Variants in KMT2D observed in about 807,000 individuals in gnomAD.
KMT2D encodes histone-lysine N-methyltransferase 2D.
Under a neutral mutation model 512.7 loss-of-function variants are expected in KMT2D, and 55 were observed. The observed-to-expected ratio is 0.11, with a 90% CI of 0.09 to 0.13. The LOEUF (loss-of-function observed/expected upper bound fraction) is 0.13. Ranked by LOEUF, KMT2D falls within the 10% of genes least tolerant of loss-of-function variation. The pLI is 1.00. For synonymous variants in KMT2D, 2,995 were observed against 2,904.0 expected (o/e 1.03, Z -1.01); for missense variants, 6,061 against 7,127.9 (o/e 0.85, Z 5.39).
In KMT2D at chr12:49,019,573, T is replaced by A. The variant is rs1319700427; in HGVS notation, c.*2207A>T. On this transcript the variant is annotated 3_prime_UTR_variant, in exon 55 of 55. Coordinates refer to ENST00000301067, the MANE Select transcript of KMT2D (RefSeq NM_003482.4). The stretch of plus-strand genomic sequence containing the variant: ...AGTCTGCCCCATCCCCTTTTCCCAA[T>A]CCCAGGGCCCAAGCCCCAAACACAG... The A allele has an allele frequency of 1.3e-5, 3 of 227,720 alleles. No individual in the cohort carries two copies. Among genetic ancestry groups the A allele is most frequent in the Non-Finnish European group, 1.7e-5 (2 of 114,426 alleles). The allele number at this position is 227,720 out of a possible 1,614,324, so 14.1% of individuals were successfully genotyped here.
rs371402071 is a variant in KMT2D, at chr12:49,041,028, G to C, written c.6742C>G (p.Arg2248Gly). The change falls in exon 32 of 55, where the codon CGC (arginine) becomes GGC (glycine). Residue 2248 changes from arginine (R) to glycine (G), a missense_variant. By Grantham distance (125) the Arg-to-Gly change is moderately radical. Coordinates refer to ENST00000301067, the MANE Select transcript of KMT2D (RefSeq NM_003482.4). This position sits in a 1 kb window ranked among gnomAD's most constrained non-coding sequence, Gnocchi z 5.4. ...GCCAAGTTATCCAGCGAGGGGCAGC[G>C]GGGTTTGAGGAATGGGTCAGGTGTG... ...PSTPDPFLKPRCPSLDNLAVP... is the reference protein window; with the variant it reads ...PSTPDPFLKPGCPSLDNLAVP... The C allele has an allele frequency of 2.5e-6, 4 of 1,571,630 alleles. No homozygotes were observed. The African/African-American group carries it at 4.1e-5, about 16-fold the overall frequency.
chr12:49,037,005 G>A, intron 35 of KMT2D, 120 bp downstream of exon 35: 3 of 1,326,408 alleles, frequency 2.3e-6, no homozygotes, highest in South Asian at 1.6e-5. Context: ...ATGATATTTA[G>A]CCAAAGTTCT....
Position 49,027,040 on chromosome 12 carries a change from G to A in KMT2D, c.14926C>T (p.Pro4976Ser), listed in dbSNP as rs373072465. The change falls in exon 49 of 55, where the codon CCT becomes TCT. Residue 4976 changes from proline (P) to serine (S), a missense_variant. Around this residue, in one of 16 missense-constraint regions of KMT2D, gnomAD observed 1,600 missense variants for 1,754.9 expected, o/e 0.91. Coordinates refer to ENST00000301067, the MANE Select transcript of KMT2D (RefSeq NM_003482.4). ...CCTTTCCATTTCTTGAGGCGAGGAG[G>A]ACGGGAATCTTCACCTTCTTCAGGG... ...RPPEEGEDSRPPRLKKWKGVR... is the reference protein window; with the variant it reads ...RPPEEGEDSRSPRLKKWKGVR... The A allele has an allele frequency of 6.8e-6, 11 of 1,613,984 alleles. No individual in the cohort carries two copies. In the African/African-American group the frequency reaches 1.1e-4, roughly 16 times the overall value.
chr12:49,051,137 G>A lies in KMT2D; in HGVS notation c.2546C>T (p.Ser849Leu), dbSNP rs370492566. The change falls in exon 11 of 55, where the codon TCG becomes TTG. Residue 849 changes from serine to leucine, a missense_variant. Ser to Leu is a moderately radical substitution (Grantham distance 145). Coordinates refer to ENST00000301067, the MANE Select transcript of KMT2D (RefSeq NM_003482.4). Reference sequence around the variant, plus strand: ...CTTCTCAAGCTCAGGGGACAGATGCGATTCCTCAGGCCGGGGGGACAGGCA... The same window carrying A: ...CTTCTCAAGCTCAGGGGACAGATGCAATTCCTCAGGCCGGGGGGACAGGCA... ...EPCLSPRPEE[S>L]HLSPELEKPP... 73 of 1,519,314 alleles carry A rather than the reference G, an allele frequency of 4.8e-5. 1 individual carries two copies. The African/African-American group carries it at 6.3e-4, about 13-fold the overall frequency. 94.1% of individuals were successfully genotyped at this position (1,519,314 alleles called of 1,614,324 possible).
At position 49,051,991 on chromosome 12, in the gene KMT2D, G is replaced by A. The variant is rs751430781; in HGVS notation, c.1692C>T (p.Ser564=). ...ACAGGCGAGATGCTTCAGGTGGCGGGGAAGTGGGCAATTCCTCAGGTGGCG... is the reference window on the plus strand; with the variant it reads ...ACAGGCGAGATGCTTCAGGTGGCGGAGAAGTGGGCAATTCCTCAGGTGGCG... ...LSPPPEELPT[S]PPPEASRLSP... Residue 564 remains serine (S), a synonymous_variant, in exon 11 of 55, where the codon TCC becomes TCT. Transcript: ENST00000301067. The A allele has an allele frequency of 6.2e-7, 1 of 1,613,384 alleles. No homozygotes were observed. Among genetic ancestry groups the A allele is most frequent in the Non-Finnish European group, 8.5e-7 (1 of 1,179,694 alleles).
intron 1 of KMT2D, among the ~76,000 whole-genome samples, chr12:49,057,325 C>A (rs1253840997): frequency 6.6e-6 from 1 of 152,190 alleles, no homozygotes; most frequent in Non-Finnish European, 1.5e-5. Context: ...CCAAAAGAGT[C>A]ACAAACATCA....
At position 49,032,444 on chromosome 12, in the gene KMT2D, G is replaced by C. The variant is rs727503982; in HGVS notation, c.12261C>G (p.Ser4087Arg). The C allele has an allele frequency of 3.2e-6, 5 of 1,572,750 alleles. No individual in the cohort carries two copies. The highest frequency in any genetic ancestry group is 4.3e-6 in the Non-Finnish European group (5 of 1,158,814). The change falls in exon 40 of 55, where the codon AGC (serine) becomes AGG (arginine). Residue 4087 changes from serine (S) to arginine (R), a missense_variant. By Grantham distance (110) the Ser-to-Arg change is moderately radical. This residue lies in a region of KMT2D where 1,600 missense variants were observed against 1,754.9 expected (regional missense o/e 0.91). Transcript: ENST00000301067. Reference protein sequence around the residue: ...LVQPQPQPQPSSLQLQPPLRL... With the variant: ...LVQPQPQPQPRSLQLQPPLRL... Reference sequence around the variant, plus strand: ...TCAGAGGTGGCTGCAGCTGCAGAGAGCTGGGCTGAGGCTGGGGCTGGGGTT... The same window carrying C: ...TCAGAGGTGGCTGCAGCTGCAGAGACCTGGGCTGAGGCTGGGGCTGGGGTT...
chr12:49,060,510 G>A lies in KMT2D; in HGVS notation c.-935C>T, dbSNP rs894685773. On this transcript the variant is annotated 5_prime_UTR_variant, in exon 1 of 55. Transcript: ENST00000301067. The stretch of plus-strand genomic sequence containing the variant: ...CCAACCCCGGCTCCCGGCACCGGGG[G>A]GTCAGGAAACTGAGCGGAAAGTGGG... Among the ~76,000 whole-genome samples the A allele has an allele frequency of 1.9e-4, 29 of 152,246 alleles. No homozygotes were observed. The highest frequency in any genetic ancestry group is 1.8e-3 in the Admixed American group (28 of 15,290).
chr12:49,056,180 T>G (rs771795535), intron 1 of KMT2D, among the ~76,000 whole-genome samples: 19 of 152,166 alleles, frequency 1.2e-4, no homozygotes, highest in Non-Finnish European at 1.9e-4. Context: ...ATGCTGGGAG[T>G]TGTAGTCTCA....
chr12:49,027,790 C>G lies in KMT2D; in HGVS notation c.14643+13G>C, dbSNP rs1942678925. 3 of 1,555,028 alleles carry G rather than the reference C, an allele frequency of 1.9e-6. No individual in the cohort carries two copies. In the African/African-American group the frequency reaches 4.1e-5, roughly 21 times the overall value. On this transcript the variant is annotated intron_variant, in intron 48 of 54. Transcript: ENST00000301067. Reference sequence around the variant, plus strand: ...TTTTCTAACACCCACCCCTTTTTCTCCCCCAGACCTACCTGTTTCAGGAGG... The same window carrying G: ...TTTTCTAACACCCACCCCTTTTTCTGCCCCAGACCTACCTGTTTCAGGAGG...
In KMT2D at chr12:49,028,019, A is replaced by T; in HGVS notation, c.14505T>A (p.Ala4835=). The T allele has an allele frequency of 6.2e-7, 1 of 1,613,510 alleles. No individual in the cohort carries two copies. Among genetic ancestry groups the T allele is most frequent in the South Asian group, 1.1e-5 (1 of 90,968 alleles). Residue 4835 remains alanine (A), a synonymous_variant, in exon 47 of 55, where the codon GCT becomes GCA. Transcript: ENST00000301067. ...CCCTGCCACACTCACCAGGACCCTCAGCTTCCCCCTTCTTTGGCTCAGTGC... is the reference window on the plus strand; with the variant it reads ...CCCTGCCACACTCACCAGGACCCTCTGCTTCCCCCTTCTTTGGCTCAGTGC... ...RAGTEPKKGE[A]EGPGGKEKGL...
intron 19 of KMT2D, 44 bp downstream of exon 19, chr12:49,045,869 TGATGTCC>T: frequency 7.2e-7 from 1 of 1,394,832 alleles, no homozygotes; most frequent in Non-Finnish European, 1.0e-6. Context: ...CTAGACTAGA[TGATGTCC>T]GACGTCTGGT....
Position 49,040,825 on chromosome 12 carries a change from G to C in KMT2D, c.6945C>G (p.His2315Gln), listed in dbSNP as rs764686162. The C allele has an allele frequency of 1.2e-5, 19 of 1,613,674 alleles. No individual in the cohort carries two copies. In the African/African-American group the frequency reaches 2.5e-4, roughly 22 times the overall value. ...GTGTCTTTAACTCCAGGCCACCCAG[G>C]TGGGTGCCTGAGGAGGGTGAGTCAA... is the stretch of plus-strand genomic sequence containing the variant. ...GFVDSPSSGT[H>Q]LGGLELKTPD... Residue 2315 changes from histidine (H) to glutamine (Q), a missense_variant, in exon 32 of 55, where the codon CAC (histidine) becomes CAG (glutamine). By Grantham distance (24) the His-to-Gln change is conservative. Around this residue, in one of 16 missense-constraint regions of KMT2D, gnomAD observed 710 missense variants for 647.3 expected, o/e 1.10. Coordinates refer to ENST00000301067, the MANE Select transcript of KMT2D (RefSeq NM_003482.4).
chr12:49,049,382 G>A (rs963197645), intron 12 of KMT2D, among the ~76,000 whole-genome samples, 164 bp from the exon 13 acceptor site: 1 of 152,168 alleles, frequency 6.6e-6, no homozygotes, highest in Non-Finnish European at 1.5e-5. Context: ...ATATCAACAA[G>A]CGCATAGCTC....
rs1942154097 is a variant in KMT2D at position 49,019,027 on chromosome 12, A to C, written c.*2753T>G. 3.6e-6 allele frequency: 5 copies of C among 1,384,210 alleles called. No homozygotes were observed. Among genetic ancestry groups the C allele is most frequent in the Admixed American group, 6.5e-5 (2 of 30,862 alleles). The allele number at this position is 1,384,210 out of a possible 1,614,324, so 85.7% of individuals were successfully genotyped here. ...TGTCGTTTAAAAACAAACTTGGAAG[A>C]AGCAAAATCCAAAACTTGCCCTTTG... On this transcript the variant is annotated 3_prime_UTR_variant, in exon 55 of 55. Coordinates refer to ENST00000301067, the MANE Select transcript of KMT2D (RefSeq NM_003482.4).
rs2120420021 is a variant in KMT2D at position 49,031,423 on chromosome 12, C to A, written c.13282G>T (p.Ala4428Ser). ...EPREEPCALG[A>S]QSVKREANGE... The stretch of plus-strand genomic sequence containing the variant: ...TTGGCCTCCCTCTTCACTGACTGGG[C>A]TCCCAGGGCACATGGCTCTTCCCGA... The change falls in exon 40 of 55, where the codon GCC (alanine) becomes TCC (serine). Residue 4428 changes from alanine to serine, a missense_variant. By Grantham distance (99) the Ala-to-Ser change is moderately conservative (BLOSUM62 1). Transcript: ENST00000301067. 1 of 1,613,780 alleles carries A rather than the reference C, an allele frequency of 6.2e-7. No individual in the cohort carries two copies. Among genetic ancestry groups the A allele is most frequent in the Non-Finnish European group, 8.5e-7 (1 of 1,179,874 alleles).
rs941431713 is a variant in KMT2D at position 49,054,220 on chromosome 12, T to C, written c.511-80A>G. 15 of 1,532,700 alleles carry C rather than the reference T, an allele frequency of 9.8e-6. No homozygotes were observed. In the Admixed American group the frequency reaches 2.0e-4, roughly 20 times the overall value. The allele number at this position is 1,532,700 out of a possible 1,614,324, so 94.9% of individuals were successfully genotyped here. A position where few individuals can be genotyped will look rare whatever the true frequency, so the allele number is the denominator to read the frequency against. On this transcript the variant is annotated intron_variant, in intron 5 of 54. Coordinates refer to ENST00000301067, the MANE Select transcript of KMT2D (RefSeq NM_003482.4). This position sits in a 1 kb window ranked among gnomAD's most constrained non-coding sequence, Gnocchi z 6.4. ...TTCAGGCACTAGCTCTGCCCCAGTA[T>C]ACCCATGGTCCTTCTCATTCCAACC...
intron 46 of KMT2D, among the ~76,000 whole-genome samples, chr12:49,028,456 A>C (rs566517398): frequency 6.6e-6 from 1 of 152,250 alleles, no homozygotes; most frequent in African/African-American, 2.4e-5. Context: ...TAGTAAAGAA[A>C]CCCATATTGT....
At chr12:49,055,516 C>A (rs1367999281) in intron 1 of KMT2D, among the ~76,000 whole-genome samples, 155 bp from the exon 2 acceptor site, 1 of 152,216 alleles carries the variant, frequency 6.6e-6, no homozygotes, top group African/African-American at 2.4e-5. Context: ...TTCTCCCTAA[C>A]CTGTAGGGTC....
Sources: gnomAD v4.1 joint callset for allele counts (sites outside exome capture counted in the v4.1 genomes callset) on GRCh38, gnomAD v4.1.1 for gene constraint, gnomAD v4.1.1 regional missense constraint, Gnocchi (gnomAD v3.1) non-coding constraint, MANE v1.5 for transcripts, NCBI Gene and HGNC (gene_info 2026-07-23, HGNC 2026-07-21) for gene names.